Variants in ZNF260 observed in about 807,000 individuals in gnomAD.
ZNF260 encodes the protein zfp-260.
A neutral mutation model predicts 29.3 loss-of-function variants in ZNF260; 21 were observed. The ratio of observed to expected loss-of-function variants is 0.72; its 90% CI spans 0.51 to 1.03. ZNF260 has a LOEUF of 1.03. Ranked by LOEUF, ZNF260 falls within the 50% of genes least tolerant of loss-of-function variation. ZNF260 has a pLI of 0.00. For synonymous variants in ZNF260, 156 were observed against 156.8 expected (o/e 0.99, Z 0.04); for missense variants, 465 against 487.8 (o/e 0.95, Z 0.44).
chr19:36,526,329 T>C (rs2034733231), intron 1 of ZNF260, among the ~76,000 whole-genome samples: 1 of 151,752 alleles, frequency 6.6e-6, no homozygotes, highest in African/African-American at 2.4e-5. Context: ...CCACCTGAGG[T>C]CAGGAGTTCG....
At chr19:36,519,033 CAA>C (rs539133133) in intron 2 of ZNF260, among the ~76,000 whole-genome samples, 1 of 109,352 alleles carries the variant, frequency 9.1e-6, no homozygotes. Flanking sequence ...CTTGTCTTAA[CAA>C]AAAAAAAAAA....
intron 1 of ZNF260, among the ~76,000 whole-genome samples, chr19:36,526,752 TTA>T (rs2034742638): frequency 6.6e-6 from 1 of 152,148 alleles, no homozygotes; most frequent in Non-Finnish European, 1.5e-5. Flanking sequence ...TTAACAACAG[TTA>T]TGATTCATGT....
At position 36,513,152 on chromosome 19, in the gene ZNF260, A is replaced by G. The variant is rs1461856159; in HGVS notation, c.*848T>C. The G allele has an allele frequency of 6.6e-6, 1 of 152,152 alleles. No individual in the cohort carries two copies. The highest frequency in any genetic ancestry group is 1.5e-5 in the Non-Finnish European group (1 of 68,012). 9.4% of individuals were successfully genotyped at this position (152,152 alleles called of 1,614,324 possible). ...ACTAAATTTTATCATAGGTATGTAT[A>G]TATAAGAAAAAAACATAGACATAGA... On this transcript the variant is annotated 3_prime_UTR_variant, in exon 3 of 3. Transcript: ENST00000523638.
In ZNF260 at chr19:36,514,300, GA is replaced by G; in HGVS notation, c.938del (p.Phe313SerfsTer11). On this transcript the variant is annotated frameshift_variant, in exon 3 of 3. Transcript: ENST00000523638. LOFTEE classifies it high-confidence loss of function. ...PYECNKCGKA[F>X]SRITSLIVHV... ...GTACAATAAGTGATGTGATTCGAGA[GA>G]AGGCTTTTCCACATTTATTACATTC... is the stretch of plus-strand genomic sequence containing the variant. 1.2e-6 allele frequency: 2 copies of G among 1,614,102 alleles called. No homozygotes were observed. The highest frequency in any genetic ancestry group is 8.5e-7 in the Non-Finnish European group (1 of 1,180,002).
chr19:36,524,530 T>C (rs1268945811), intron 2 of ZNF260, among the ~76,000 whole-genome samples: 1 of 115,576 alleles, frequency 8.7e-6, no homozygotes, highest in East Asian at 2.0e-4. Flanking sequence ...TTTTTTTTTT[T>C]TTTTATTGAT....
Position 36,510,839 on chromosome 19 carries a change from C to T in ZNF260, c.*3161G>A, listed in dbSNP as rs2034439778. On this transcript the variant is annotated 3_prime_UTR_variant, in exon 3 of 3. Coordinates refer to ENST00000523638, the MANE Select transcript of ZNF260 (RefSeq NM_001166037.2). ...CTCATCTTACTCTGACCATCATAAT[C>T]ATTCTTTTTGCTGGGTCCAGGACCA... 6 of 152,156 alleles carry T rather than the reference C, an allele frequency of 3.9e-5. No individual in the cohort carries two copies. 9.4% of individuals were successfully genotyped at this position (152,156 alleles called of 1,614,324 possible). A position where few individuals can be genotyped will look rare whatever the true frequency, so the allele number is the denominator to read the frequency against.
At chr19:36,516,476 G>C in intron 2 of ZNF260, among the ~76,000 whole-genome samples, 1 of 152,174 alleles carries the variant, frequency 6.6e-6, no homozygotes, top group East Asian at 1.9e-4. Context: ...TGTAGTCCTA[G>C]CTACTGAGGA....
chr19:36,515,205 AT>A lies in ZNF260; in HGVS notation c.33del (p.Glu11AspfsTer28). On this transcript the variant is annotated frameshift_variant, in exon 3 of 3. Coordinates refer to ENST00000523638, the MANE Select transcript of ZNF260 (RefSeq NM_001166037.2). LOFTEE classifies it high-confidence loss of function. MIGMLESLQH[E>X]SDLLQHDQIH... is the part of the protein sequence containing the mutation. Reference sequence around the variant, plus strand: ...ATTTGATCATGCTGAAGGAGATCTGATTCATGCTGAAGACTTTCCAACATGC... The same window carrying A: ...ATTTGATCATGCTGAAGGAGATCTGATCATGCTGAAGACTTTCCAACATGC... 6.3e-7 allele frequency: 1 copy of A among 1,595,998 alleles called. No homozygotes were observed. The highest frequency in any genetic ancestry group is 8.5e-7 in the Non-Finnish European group (1 of 1,169,606).
Position 36,515,276 on chromosome 19 carries a change from A to G in ZNF260, c.-38T>C, listed in dbSNP as rs1350911374. 8.8e-6 allele frequency: 13 copies of G among 1,479,788 alleles called. No individual in the cohort carries two copies. The highest frequency in any genetic ancestry group is 1.2e-5 in the Non-Finnish European group (13 of 1,112,856). 91.7% of individuals were successfully genotyped at this position (1,479,788 alleles called of 1,614,324 possible). On this transcript the variant is annotated 5_prime_UTR_variant, in exon 3 of 3. Transcript: ENST00000523638. ...AATCAGGAGATTTCCCTAGTATCAAATAAGATGTAATAAGGATGAAAGCTT... is the reference window on the plus strand; with the variant it reads ...AATCAGGAGATTTCCCTAGTATCAAGTAAGATGTAATAAGGATGAAAGCTT...
At chr19:36,519,822 GA>G (rs932944203) in intron 2 of ZNF260, among the ~76,000 whole-genome samples, 4 of 152,140 alleles carry the variant, frequency 2.6e-5, no homozygotes, top group African/African-American at 9.7e-5. Context: ...CTTGGAGAAT[GA>G]AGTTTTAGCA....
At chr19:36,517,650 T>C (rs1339281758) in intron 2 of ZNF260, among the ~76,000 whole-genome samples, 1 of 152,052 alleles carries the variant, frequency 6.6e-6, no homozygotes, top group Admixed American at 6.6e-5. Context: ...GTGAAGTTTA[T>C]CATCCAGACA....
chr19:36,523,666 C>A (rs941032712), intron 2 of ZNF260, among the ~76,000 whole-genome samples: 2 of 151,228 alleles, frequency 1.3e-5, no homozygotes, highest in Non-Finnish European at 2.9e-5. Flanking sequence ...CAACCTCCGC[C>A]TCCCAGGTTC....
chr19:36,513,742 T>A lies in ZNF260; in HGVS notation c.*258A>T. The A allele has an allele frequency of 6.0e-6, 3 of 496,692 alleles. No individual in the cohort carries two copies. Among genetic ancestry groups the A allele is most frequent in the South Asian group, 9.0e-5 (2 of 22,288 alleles). 30.8% of individuals were successfully genotyped at this position (496,692 alleles called of 1,614,324 possible). A position where few individuals can be genotyped will look rare whatever the true frequency, so the allele number is the denominator to read the frequency against. On this transcript the variant is annotated 3_prime_UTR_variant, in exon 3 of 3. Coordinates refer to ENST00000523638, the MANE Select transcript of ZNF260 (RefSeq NM_001166037.2). ...GGCCTTCCAGGAACACATTAAGTAG[T>A]GTCCATGACTAGATCCTAACTTTAA...
intron 1 of ZNF260, among the ~76,000 whole-genome samples, chr19:36,525,917 C>T (rs1445719946): frequency 6.6e-6 from 1 of 152,154 alleles, no homozygotes. Context: ...CAATCACAAC[C>T]TGTATAGGTT....
At chr19:36,527,377 C>T in intron 1 of ZNF260, among the ~76,000 whole-genome samples, 1 of 152,048 alleles carries the variant, frequency 6.6e-6, no homozygotes, top group Non-Finnish European at 1.5e-5. Flanking sequence ...TGACAAGATA[C>T]TTGAATATGT....
intron 1 of ZNF260, among the ~76,000 whole-genome samples, chr19:36,527,232 T>C (rs774593145): frequency 1.3e-5 from 2 of 152,226 alleles, no homozygotes; most frequent in Non-Finnish European, 2.9e-5. Context: ...GCCAGAAACT[T>C]AGAAACACCA....
In ZNF260 at chr19:36,513,693, T is replaced by C. The variant is rs1441494547; in HGVS notation, c.*307A>G. On this transcript the variant is annotated 3_prime_UTR_variant, in exon 3 of 3. Transcript: ENST00000523638. ...TAATTTCAAATCCTCATACATCTCA[T>C]ATCTATTTCTTAATGCATCTGTAGG... is the stretch of plus-strand genomic sequence containing the variant. 2 of 427,820 alleles carry C rather than the reference T, an allele frequency of 4.7e-6. No homozygotes were observed. Among genetic ancestry groups the C allele is most frequent in the Admixed American group, 7.6e-5 (2 of 26,322 alleles). The allele number at this position is 427,820 out of a possible 1,614,324, so 26.5% of individuals were successfully genotyped here.
At chr19:36,526,378 T>C (rs1196146498) in intron 1 of ZNF260, among the ~76,000 whole-genome samples, 3 of 151,886 alleles carry the variant, frequency 2.0e-5, no homozygotes, top group Admixed American at 1.3e-4. Context: ...CTGTCTCTAC[T>C]AAAAATAAAA....
At position 36,515,035 on chromosome 19, in the gene ZNF260, T is replaced by C. The variant is rs778438500; in HGVS notation, c.204A>G (p.Ser68=). ...GACTTCTAAGGTGTAGAGTAAGAGA[T>C]GAGACTCGAGAGCACACTTTACCAC... is the stretch of plus-strand genomic sequence containing the variant. ...TECGKVCSRV[S]SLTLHLRSHT... The change falls in exon 3 of 3, where the codon TCA becomes TCG. Residue 68 remains serine (S), a synonymous_variant. Coordinates refer to ENST00000523638, the MANE Select transcript of ZNF260 (RefSeq NM_001166037.2). 4.3e-6 allele frequency: 7 copies of C among 1,614,150 alleles called. No individual in the cohort carries two copies. The highest frequency in any genetic ancestry group is 2.2e-5 in the South Asian group (2 of 91,082).
Sources: gnomAD v4.1 joint callset for allele counts (sites outside exome capture counted in the v4.1 genomes callset) on GRCh38, gnomAD v4.1.1 for gene constraint, MANE v1.5 for transcripts, NCBI Gene and HGNC (gene_info 2026-07-23, HGNC 2026-07-21) for gene names.